The following MROH1 variants were observed in gnomAD, a reference collection of about 807,000 sequenced individuals.
MROH1 encodes the protein maestro heat like repeat family member 1.
A neutral mutation model predicts 116.5 loss-of-function variants in MROH1; 117 were observed. That is an observed-to-expected ratio of 1.00 (90% CI 0.86 to 1.17). MROH1 has a LOEUF of 1.17. Among genes scored for constraint, MROH1 ranks in the 50% most tolerant of loss-of-function variants. The pLI is 0.00. For missense variants in MROH1, 1,873 were observed against 1,338.5 expected, an observed-to-expected ratio of 1.40 and a Z score of -6.23; for synonymous variants, 921 against 583.9, an observed-to-expected ratio of 1.58 and a Z score of -8.32.
intron 35 of MROH1, among the ~76,000 whole-genome samples, chr8:144,256,631 G>A (rs906399527): frequency 2.0e-5 from 3 of 152,222 alleles, no homozygotes; most frequent in Non-Finnish European, 4.4e-5. Context: ...GCCCCGAGCT[G>A]TAGGGCTGCG....
At chr8:144,168,062 G>A (rs1434346546) in intron 3 of MROH1, among the ~76,000 whole-genome samples, 3 of 152,152 alleles carry the variant, frequency 2.0e-5, no homozygotes, top group African/African-American at 4.8e-5. Context: ...CTCCTCAGGG[G>A]CAGCTGGAAT....
intron 13 of MROH1, among the ~76,000 whole-genome samples, chr8:144,222,551 G>C (rs1836998319): frequency 6.6e-6 from 1 of 152,040 alleles, no homozygotes. Context: ...TGCAGACCCA[G>C]GTAGGTAGGT....
At chr8:144,148,976 A>AG (rs2130347573) in intron 1 of MROH1, 1 of 152,720 alleles carries the variant, frequency 6.5e-6, no homozygotes, top group Admixed American at 6.5e-5. Flanking sequence ...CCACTTTGGA[A>AG]GGGGATGGTG....
chr8:144,166,446 C>T (rs1439407057), intron 3 of MROH1, among the ~76,000 whole-genome samples: 27 of 152,168 alleles, frequency 1.8e-4, no homozygotes, highest in African/African-American at 2.4e-5. Context: ...GGGGTCCGCT[C>T]GGGCTGCCCC....
rs969330558 is a variant in MROH1, at chr8:144,260,289, C to T, written c.4295C>T (p.Ala1432Val). 29 of 759,716 alleles carry T rather than the reference C, an allele frequency of 3.8e-5. 1 individual carries two copies. Among genetic ancestry groups the T allele is most frequent in the African/African-American group, 8.5e-5 (5 of 58,896 alleles). The allele number at this position is 759,716 out of a possible 1,614,324, so 47.1% of individuals were successfully genotyped here. Residue 1432 changes from alanine to valine, a missense_variant, in exon 39 of 44, where the codon GCG becomes GTG. Transcript: ENST00000326134. ...PVALEAMLGL[A>V]RLVHLVESWD... Reference sequence around the variant, plus strand: ...GCCCTGGAGGCCATGCTGGGCCTTGCGAGGCTGGTGCACCTGGTGGAGTCC... The same window carrying T: ...GCCCTGGAGGCCATGCTGGGCCTTGTGAGGCTGGTGCACCTGGTGGAGTCC...
At chr8:144,243,393 A>G (rs1020374508) in intron 24 of MROH1, 101 bp from the exon 25 acceptor site, 5 of 730,388 alleles carry the variant, frequency 6.8e-6, no homozygotes, top group African/African-American at 1.7e-5. Flanking sequence ...TTGAGAGCAG[A>G]GTGCAGCACT....
intron 14 of MROH1, among the ~76,000 whole-genome samples, chr8:144,238,460 C>T (rs931989975): frequency 6.6e-6 from 1 of 152,192 alleles, no homozygotes; most frequent in South Asian, 2.1e-4. Flanking sequence ...CCCACAGAGG[C>T]TATCCTGTTC....
At chr8:144,250,460 C>T (rs900019674) in intron 33 of MROH1, 94 bp downstream of exon 33, 74 of 701,788 alleles carry the variant, frequency 1.1e-4, no homozygotes, top group Admixed American at 8.4e-4. Context: ...CTCTGCACCC[C>T]GACTTTCTGC....
At chr8:144,228,511 T>A (rs1300791973) in intron 14 of MROH1, among the ~76,000 whole-genome samples, 1 of 152,158 alleles carries the variant, frequency 6.6e-6, no homozygotes, top group Non-Finnish European at 1.5e-5. Context: ...GTTGCCAGGC[T>A]GGAGTGCAGT....
intron 10 of MROH1, among the ~76,000 whole-genome samples, chr8:144,197,457 A>G: frequency 3.3e-5 from 1 of 30,620 alleles, no homozygotes; most frequent in Non-Finnish European, 5.0e-5. Context: ...TTTTTTTGAG[A>G]CGGAATCTTG....
At chr8:144,169,738 G>C (rs530681355) in intron 4 of MROH1, among the ~76,000 whole-genome samples, 67 of 150,140 alleles carry the variant, frequency 4.5e-4, no homozygotes, top group African/African-American at 1.6e-3. Context: ...CACCTCCCGG[G>C]TTCAAGCGAT....
intron 12 of MROH1, among the ~76,000 whole-genome samples, chr8:144,207,192 AGTT>A (rs1181193404): frequency 4.0e-5 from 6 of 150,612 alleles, no homozygotes; most frequent in Admixed American, 6.6e-5. Flanking sequence ...GTGGGGGGCC[AGTT>A]GTTGTTTTTT....
intron 12 of MROH1, among the ~76,000 whole-genome samples, chr8:144,205,239 A>T (rs1832567266): frequency 6.6e-6 from 1 of 152,196 alleles, no homozygotes; most frequent in African/African-American, 2.4e-5. Flanking sequence ...TTGCAAGTTG[A>T]GGCCGTGGTT....
intron 33 of MROH1, chr8:144,250,865 TCA>T: frequency 3.9e-6 from 1 of 255,542 alleles, no homozygotes. Flanking sequence ...CTTCCCAAGC[TCA>T]CACCTCCCAG....
chr8:144,227,262 T>C (rs185375595), intron 14 of MROH1, among the ~76,000 whole-genome samples: 163 of 152,346 alleles, frequency 1.1e-3, no homozygotes, highest in African/African-American at 3.7e-3. Flanking sequence ...GTCTCTAGCA[T>C]GCTGCTGAAT....
intron 1 of MROH1, among the ~76,000 whole-genome samples, chr8:144,152,672 G>A (rs867748701): frequency 2.6e-5 from 4 of 151,684 alleles, no homozygotes; most frequent in African/African-American, 4.9e-5. Context: ...TCAGCCTCCC[G>A]AGTAGCTGGG....
intron 11 of MROH1, among the ~76,000 whole-genome samples, chr8:144,199,990 C>T (rs1024845440): frequency 3.3e-5 from 5 of 152,182 alleles, no homozygotes; most frequent in South Asian, 2.1e-4. Flanking sequence ...CTGCTGCAGT[C>T]GTTGCCAGAG....
intron 29 of MROH1, among the ~76,000 whole-genome samples, chr8:144,247,044 T>G (rs1439909606): frequency 6.6e-6 from 1 of 152,214 alleles, no homozygotes; most frequent in Non-Finnish European, 1.5e-5. Context: ...CTCCTTCTTG[T>G]AGGGGCCCGG....
chr8:144,238,365 A>G (rs1001846848), intron 14 of MROH1, among the ~76,000 whole-genome samples: 3 of 152,160 alleles, frequency 2.0e-5, no homozygotes, highest in Non-Finnish European at 4.4e-5. Flanking sequence ...GCGTACAGAG[A>G]GGACAGCAGA....
Sources: gnomAD v4.1 joint callset for allele counts (sites outside exome capture counted in the v4.1 genomes callset) on GRCh38, gnomAD v4.1.1 for gene constraint, MANE v1.5 for transcripts, NCBI Gene and HGNC (gene_info 2026-07-23, HGNC 2026-07-21) for gene names.